TGM7: variants seen among roughly 807,000 people sequenced by gnomAD.
TGM7 encodes the protein protein-glutamine gamma-glutamyltransferase Z.
Under a neutral mutation model 79.5 loss-of-function variants are expected in TGM7, and 74 were observed. That is an observed-to-expected ratio of 0.93 (90% confidence interval 0.77 to 1.13). The LOEUF (loss-of-function observed/expected upper bound fraction) is 1.13. TGM7 is among the 50% of genes most tolerant of loss of function. The probability of loss-of-function intolerance (pLI) is 0.00; values close to 1 mark genes in which losing one functional copy is unlikely to be tolerated. For missense variants in TGM7, 912 were observed against 905.9 expected (o/e 1.01, Z -0.09); for synonymous variants, 354 against 362.5 (o/e 0.98, Z 0.27).
rs777581433 is a variant in TGM7, at chr15:43,282,563, G to T, written c.1062C>A (p.Tyr354Ter). ...TGGGGTCCAGAACCTGCCACCCGTT[G>T]TATCCTGGTGGGAGATCTTTCCGGA... ...WMIRKDLPPG[Y>*]NGWQVLDPTP... The change falls in exon 8 of 13, where the codon TAC (tyrosine) becomes TAA (stop). Residue 354 changes from tyrosine (Y) to a stop codon, truncating the protein, a stop_gained. Transcript: ENST00000452443. LOFTEE classifies it high-confidence loss of function. 3.1e-6 allele frequency: 5 copies of T among 1,602,534 alleles called. No individual in the cohort carries two copies. Among genetic ancestry groups the T allele is most frequent in the East Asian group, 2.2e-5 (1 of 44,698 alleles).
At position 43,293,604 on chromosome 15, in the gene TGM7, T is replaced by G. The variant is rs2042975795; in HGVS notation, c.38A>C (p.Asp13Ala). 1.2e-6 allele frequency: 2 copies of G among 1,607,568 alleles called. No homozygotes were observed. The highest frequency in any genetic ancestry group is 2.7e-5 in the African/African-American group (2 of 73,876). ...QVATLRLESV[D>A]LQSSRNNKEH... ...CTTGTTGTTCCTGGAGCTCTGCAGG[T>G]CGACAGACTCAAGCCGCAAGGTTGC... Residue 13 changes from aspartate (D) to alanine (A), a missense_variant, in exon 2 of 13, where the codon GAC (aspartate) becomes GCC (alanine). Transcript: ENST00000452443.
chr15:43,295,359 G>GGC (rs1189333538), intron 1 of TGM7, among the ~76,000 whole-genome samples: 2 of 152,242 alleles, frequency 1.3e-5, no homozygotes, highest in Non-Finnish European at 2.9e-5. Context: ...GGGAGGCCAA[G>GGC]AAGGGTGAAT....
intron 4 of TGM7, among the ~76,000 whole-genome samples, chr15:43,289,034 T>C (rs911999612): frequency 2.0e-5 from 3 of 151,322 alleles, no homozygotes; most frequent in Non-Finnish European, 4.4e-5. Flanking sequence ...GTAAATATTT[T>C]AGCCTTTGCA....
intron 11 of TGM7, among the ~76,000 whole-genome samples, chr15:43,277,505 G>A (rs527308143): frequency 6.6e-6 from 1 of 152,332 alleles, no homozygotes; most frequent in South Asian, 2.1e-4. Flanking sequence ...GCAGAGCCAG[G>A]ACCTGACCCA....
rs749056166 is a variant in TGM7 at position 43,282,565 on chromosome 15, A to G, written c.1060T>C (p.Tyr354His). ...GGGTCCAGAACCTGCCACCCGTTGT[A>G]TCCTGGTGGGAGATCTTTCCGGATC... ...WMIRKDLPPG[Y>H]NGWQVLDPTP... Residue 354 changes from tyrosine (Y) to histidine (H), a missense_variant, in exon 8 of 13, where the codon TAC becomes CAC. By Grantham distance (83) the Tyr-to-His change is moderately conservative (BLOSUM62 2). Transcript: ENST00000452443. The G allele has an allele frequency of 1.2e-6, 2 of 1,603,098 alleles. No homozygotes were observed. Among genetic ancestry groups the G allele is most frequent in the Non-Finnish European group, 1.7e-6 (2 of 1,174,406 alleles).
At position 43,282,146 on chromosome 15, in the gene TGM7, G is replaced by C. The variant is rs1339147543; in HGVS notation, c.1109-60C>G. On this transcript the variant is annotated intron_variant, in intron 8 of 12. Transcript: ENST00000452443. ...GGGGCAGCTGGTTGTGGCTGTGGGA[G>C]GTGGAGATGGGATAGGCAGCGGCAC... The C allele has an allele frequency of 3.8e-6, 6 of 1,594,856 alleles. No homozygotes were observed. The Admixed American group carries it at 1.0e-4, about 27-fold the overall frequency.
Position 43,291,802 on chromosome 15 carries a change from AC to A in TGM7, c.558+176del, listed in dbSNP as rs148521143. On this transcript the variant is annotated intron_variant, in intron 4 of 12. Transcript: ENST00000452443. ...TAAAAACTAAAAAGGAAAGACATCC[AC>A]CCCTTCCTTCCTTGCCCCTCTCACT... Among the ~76,000 whole-genome samples the A allele has an allele frequency of 9.3e-3, 1,418 of 152,182 alleles. 29 individuals are homozygous for A. Among genetic ancestry groups the A allele is most frequent in the African/African-American group, 0.033 (1,358 of 41,498 alleles).
chr15:43,279,134 G>A lies in TGM7; in HGVS notation c.1822C>T (p.Pro608Ser), dbSNP rs1376296262. The change falls in exon 11 of 13, where the codon CCC (proline) becomes TCC (serine). Residue 608 changes from proline to serine, a missense_variant. Pro to Ser is a moderately conservative substitution (Grantham distance 74, BLOSUM62 -1). Transcript: ENST00000452443. The part of the protein sequence containing the change: ...LVLKDICLEP[P>S]HLSIEVSERA... ...GACACTACCTCAATAGACAAGTGGG[G>A]AGGCTCCAGACAGATATCTTTTAGG... The A allele has an allele frequency of 6.2e-7, 1 of 1,613,662 alleles. No homozygotes were observed. Among genetic ancestry groups the A allele is most frequent in the Non-Finnish European group, 8.5e-7 (1 of 1,179,852 alleles).
At chr15:43,296,763 T>A (rs1157524279) in intron 1 of TGM7, among the ~76,000 whole-genome samples, 1 of 152,150 alleles carries the variant, frequency 6.6e-6, no homozygotes, top group African/African-American at 2.4e-5. Context: ...GGAAGATGTC[T>A]TCCTCTCCAG....
At position 43,276,549 on chromosome 15, in the gene TGM7, C is replaced by T; in HGVS notation, c.2039G>A (p.Gly680Glu). 3 of 1,614,122 alleles carry T rather than the reference C, an allele frequency of 1.9e-6. No individual in the cohort carries two copies. In the Admixed American group the frequency reaches 5.0e-5, roughly 27 times the overall value. ...IQLDLYPTKA[G>E]PRQLQVLISS... is the part of the protein sequence containing the mutation. Reference sequence around the variant, plus strand: ...GATGAGAACCTGGAGCTGGCGGGGTCCAGCTTTGGTCGGGTAGAGGTCCAG... The same window carrying T: ...GATGAGAACCTGGAGCTGGCGGGGTTCAGCTTTGGTCGGGTAGAGGTCCAG... The change falls in exon 13 of 13, where the codon GGA (glycine) becomes GAA (glutamate). Residue 680 changes from glycine (G) to glutamate (E), a missense_variant. Coordinates refer to ENST00000452443, the MANE Select transcript of TGM7 (RefSeq NM_052955.3).
chr15:43,283,244 T>A (rs1026839828), intron 7 of TGM7, among the ~76,000 whole-genome samples: 1 of 152,236 alleles, frequency 6.6e-6, no homozygotes, highest in Admixed American at 6.5e-5. Context: ...CCCTAGCACA[T>A]TGGATATTGA....
intron 1 of TGM7, among the ~76,000 whole-genome samples, chr15:43,298,355 G>A (rs1439272556): frequency 2.6e-5 from 4 of 152,232 alleles, no homozygotes; most frequent in African/African-American, 7.2e-5. Flanking sequence ...GCTCGAGCCC[G>A]GGCCAAGACG....
intron 1 of TGM7, among the ~76,000 whole-genome samples, chr15:43,296,249 C>T (rs1253565438): frequency 1.3e-5 from 2 of 152,002 alleles, no homozygotes; most frequent in Non-Finnish European, 2.9e-5. Context: ...CATGGTGAAA[C>T]CCCTTCTCTA....
chr15:43,283,104 G>A (rs2042917795), intron 7 of TGM7, among the ~76,000 whole-genome samples: 1 of 152,136 alleles, frequency 6.6e-6, no homozygotes, highest in Non-Finnish European at 1.5e-5. Context: ...CAATTCATCT[G>A]TTGTTAACAT....
At chr15:43,297,495 AAAAG>A (rs982593539) in intron 1 of TGM7, among the ~76,000 whole-genome samples, 8 of 136,250 alleles carry the variant, frequency 5.9e-5, no homozygotes, top group South Asian at 4.6e-4. Context: ...AAGAGAAAGA[AAAAG>A]AAAGAAAGAA....
chr15:43,292,093 G>A lies in TGM7; in HGVS notation c.444C>T (p.Asp148=), dbSNP rs199852387. 129 of 1,612,746 alleles carry A rather than the reference G, an allele frequency of 8.0e-5. 1 individual carries two copies. The highest frequency in any genetic ancestry group is 3.5e-4 in the African/African-American group (26 of 74,864). ...GTATTTCACTTGGCAGGTAGACGTC[G>A]TCCTCTGAGCAGTTAAGAGTAGTGG... ...ILLFNPWSPE[D]DVYLPSEILL... The change falls in exon 4 of 13, where the codon GAC becomes GAT. Residue 148 remains aspartate, a synonymous_variant. Transcript: ENST00000452443.
At chr15:43,278,164 G>A (rs2042887613) in intron 11 of TGM7, among the ~76,000 whole-genome samples, 1 of 152,240 alleles carries the variant, frequency 6.6e-6, no homozygotes, top group Non-Finnish European at 1.5e-5. Context: ...TTCTCTATTG[G>A]GGTGGGGAGG....
chr15:43,279,053 ACCC>A, intron 11 of TGM7, 61 bp downstream of exon 11: 1 of 1,543,206 alleles, frequency 6.5e-7, no homozygotes, highest in Non-Finnish European at 8.8e-7. Flanking sequence ...TGGCTGCTGC[ACCC>A]CAGCCCCTGG....
Position 43,276,607 on chromosome 15 carries a change from T to A in TGM7, c.1981A>T (p.Thr661Ser). The change falls in exon 13 of 13, where the codon ACT (threonine) becomes TCT (serine). Residue 661 changes from threonine to serine, a missense_variant. Physicochemically the swap from Thr to Ser is moderately conservative, Grantham distance 58 (BLOSUM62 1). Coordinates refer to ENST00000452443, the MANE Select transcript of TGM7 (RefSeq NM_052955.3). ...TGGAGGGTGTGTCCGGCCACCAGAG[T>A]CCCAAGGCTGAAAGTCAGAAACAGC... ...INGQIAKDLG[T>S]LVAGHTLQIQ... 6.2e-7 allele frequency: 1 copy of A among 1,612,518 alleles called. No homozygotes were observed. The highest frequency in any genetic ancestry group is 8.5e-7 in the Non-Finnish European group (1 of 1,179,372).
Sources: allele counts gnomAD v4.1 joint callset (sites outside exome capture counted in the v4.1 genomes callset), GRCh38; gene constraint gnomAD v4.1.1; transcripts MANE v1.5; gene names NCBI Gene and HGNC (gene_info 2026-07-23, HGNC 2026-07-21).